Variants in RNPEP observed in about 807,000 individuals in gnomAD.
The protein encoded by RNPEP is arginyl aminopeptidase.
In RNPEP, 57 loss-of-function variants were observed where a neutral mutation model predicts 70.1. That is an observed-to-expected ratio of 0.81 (90% CI 0.66 to 1.01). The LOEUF (loss-of-function observed/expected upper bound fraction) is 1.01. RNPEP is among the 50% of genes least tolerant of loss of function. RNPEP has a pLI of 0.00. For synonymous variants in RNPEP, 335 were observed against 357.4 expected (o/e 0.94, Z 0.71); for missense variants, 787 against 852.4 (o/e 0.92, Z 0.96).
Position 201,982,837 on chromosome 1 carries a change from G to A in RNPEP, c.171G>A (p.Arg57=), listed in dbSNP as rs1199202961. 1 of 1,342,972 alleles carries A rather than the reference G, an allele frequency of 7.4e-7. No individual in the cohort carries two copies. The highest frequency in any genetic ancestry group is 9.5e-7 in the Non-Finnish European group (1 of 1,048,562). The allele number at this position is 1,342,972 out of a possible 1,614,324, so 83.2% of individuals were successfully genotyped here. Residue 57 remains arginine, a synonymous_variant, in exon 1 of 11, where the codon CGG becomes CGA. Coordinates refer to ENST00000295640, the MANE Select transcript of RNPEP (RefSeq NM_020216.4). ...CTCCAGGGCCCGGCGCAGGGAGCCG[G>A]GGGCTGAGCGGCACCGCGGTCCTGG... ...FGPPGPGAGS[R]GLSGTAVLDL...
At position 202,006,044 on chromosome 1, in the gene RNPEP, T is replaced by A. The variant is rs1255146540; in HGVS notation, c.*328T>A. The A allele has an allele frequency of 7.5e-6, 1 of 132,644 alleles. No individual in the cohort carries two copies. The highest frequency in any genetic ancestry group is 3.3e-5 in the African/African-American group (1 of 29,860). 8.2% of individuals were successfully genotyped at this position (132,644 alleles called of 1,614,324 possible). A position where few individuals can be genotyped will look rare whatever the true frequency, so the allele number is the denominator to read the frequency against. On this transcript the variant is annotated 3_prime_UTR_variant, in exon 11 of 11. Transcript: ENST00000295640. ...CTGATGCTCTTCTTTTTTCTCTTTCTGTCCTTTTTCTTGCTGATTTTATGC... is the reference window on the plus strand; with the variant it reads ...CTGATGCTCTTCTTTTTTCTCTTTCAGTCCTTTTTCTTGCTGATTTTATGC...
intron 3 of RNPEP, among the ~76,000 whole-genome samples, chr1:201,995,189 A>T (rs1683502782): frequency 6.6e-6 from 1 of 152,176 alleles, no homozygotes; most frequent in South Asian, 2.1e-4. Context: ...AATATTTAGA[A>T]AATTGAAAGG....
At chr1:201,997,717 T>A (rs1257002770) in intron 5 of RNPEP, among the ~76,000 whole-genome samples, 163 bp downstream of exon 5, 1 of 151,896 alleles carries the variant, frequency 6.6e-6, no homozygotes, top group Admixed American at 6.6e-5. Flanking sequence ...AAACCACACA[T>A]GGTTTGACAA....
intron 1 of RNPEP, among the ~76,000 whole-genome samples, chr1:201,985,657 ATGACACAT>A (rs1368224536): frequency 1.3e-5 from 2 of 152,222 alleles, no homozygotes; most frequent in African/African-American, 4.8e-5. Flanking sequence ...TTGCATTAGT[ATGACACAT>A]TTGTTACAAT....
rs193077873 is a variant in RNPEP, at chr1:201,984,041, G to T, written c.447+928G>T. Among the ~76,000 whole-genome samples, 29 of 152,214 alleles carry T rather than the reference G, an allele frequency of 1.9e-4. 1 individual carries two copies. Among genetic ancestry groups the T allele is most frequent in the Admixed American group, 1.6e-3 (25 of 15,280 alleles). On this transcript the variant is annotated intron_variant, in intron 1 of 10. Transcript: ENST00000295640. The stretch of plus-strand genomic sequence containing the variant: ...TGCGTCGTGGGTTCGAGCGATTCTC[G>T]TACCTCACCCTCCCTAGTAGCTGGG...
At chr1:202,003,786 A>G (rs2102984865) in intron 9 of RNPEP, among the ~76,000 whole-genome samples, 1 of 152,314 alleles carries the variant, frequency 6.6e-6, no homozygotes, top group South Asian at 2.1e-4. Context: ...TTTTGTGTCT[A>G]TTAAGTCATT....
chr1:201,989,253 A>T, intron 2 of RNPEP, 130 bp from the exon 3 acceptor site: 1 of 1,272,190 alleles, frequency 7.9e-7, no homozygotes, highest in South Asian at 1.5e-5. Context: ...GTTTCTTGAA[A>T]CCTTTGTGTT....
At position 202,001,732 on chromosome 1, in the gene RNPEP, C is replaced by T; in HGVS notation, c.1391C>T (p.Pro464Leu). The T allele has an allele frequency of 2.5e-6, 4 of 1,612,194 alleles. No individual in the cohort carries two copies. Among genetic ancestry groups the T allele is most frequent in the Non-Finnish European group, 3.4e-6 (4 of 1,178,310 alleles). Residue 464 changes from proline to leucine, a missense_variant, in exon 8 of 11, where the codon CCT (proline) becomes CTT (leucine). Pro to Leu is a moderately conservative substitution (Grantham distance 98). Transcript: ENST00000295640. ...DFLDFYLEYF[P>L]ELKKKRVDII... ...CTGGACTTCTACTTGGAATATTTCCCTGAGCTTAAGAAAAAGAGAGTGGAT... is the reference window on the plus strand; with the variant it reads ...CTGGACTTCTACTTGGAATATTTCCTTGAGCTTAAGAAAAAGAGAGTGGAT...
rs902355400 is a variant in RNPEP, at chr1:201,982,687, C to A, written c.21C>A (p.Ser7=). ...CGGCCATGGCGAGCGGCGAGCATTC[C>A]CCCGGCAGCGGCGCGGCCCGGCGGC... MASGEH[S]PGSGAARRPL... Residue 7 remains serine (S), a synonymous_variant, in exon 1 of 11, where the codon TCC becomes TCA. Coordinates refer to ENST00000295640, the MANE Select transcript of RNPEP (RefSeq NM_020216.4). 7.2e-7 allele frequency: 1 copy of A among 1,391,364 alleles called. No homozygotes were observed. Among genetic ancestry groups the A allele is most frequent in the South Asian group, 1.6e-5 (1 of 62,990 alleles). 86.2% of individuals were successfully genotyped at this position (1,391,364 alleles called of 1,614,324 possible). A position where few individuals can be genotyped will look rare whatever the true frequency, so the allele number is the denominator to read the frequency against.
At chr1:201,990,612 G>A (rs1293718662) in intron 3 of RNPEP, among the ~76,000 whole-genome samples, 1 of 152,096 alleles carries the variant, frequency 6.6e-6, no homozygotes, top group African/African-American at 2.4e-5. Context: ...TTAGTTACGA[G>A]CCTCAGACTT....
At chr1:201,987,612 A>G (rs1047763851) in intron 1 of RNPEP, among the ~76,000 whole-genome samples, 1 of 151,188 alleles carries the variant, frequency 6.6e-6, no homozygotes, top group African/African-American at 2.4e-5. Context: ...TAATTTTTGT[A>G]TTTTTAGTAG....
chr1:201,988,075 G>A lies in RNPEP; in HGVS notation c.448-829G>A, dbSNP rs948665454. Among the ~76,000 whole-genome samples, 6 of 151,592 alleles carry A rather than the reference G, an allele frequency of 4.0e-5. No homozygotes were observed. The East Asian group carries it at 1.2e-3, about 29-fold the overall frequency. On this transcript the variant is annotated intron_variant, in intron 1 of 10. Transcript: ENST00000295640. ...GACTCGCTTGAACCCAGGAGGCGGA[G>A]ACTGCAGTGAGCTGAGATCACACCA...
rs1683799048 is a variant in RNPEP at position 202,001,361 on chromosome 1, T to C, written c.1205-15T>C. The C allele has an allele frequency of 1.3e-6, 2 of 1,587,268 alleles. No homozygotes were observed. Among genetic ancestry groups the C allele is most frequent in the African/African-American group, 1.3e-5 (1 of 74,330 alleles). ...CTACAAAAGCTCAAATCTTGTCTGC[T>C]TTCTCCTCTGCCAGGCGTTGACCCG... On this transcript the variant is annotated splice_polypyrimidine_tract_variant and intron_variant, in intron 6 of 10. Coordinates refer to ENST00000295640, the MANE Select transcript of RNPEP (RefSeq NM_020216.4).
chr1:202,003,489 CT>C (rs1683920262), intron 9 of RNPEP, 28 bp downstream of exon 9: 1 of 1,489,702 alleles, frequency 6.7e-7, no homozygotes, highest in East Asian at 2.3e-5. Flanking sequence ...ACCAGGGCTC[CT>C]TGTGTGCACA....
Position 202,003,366 on chromosome 1 carries a change from T to G in RNPEP, c.1556T>G (p.Met519Arg). The stretch of plus-strand genomic sequence containing the variant: ...CTGTGGGCAGCCGAGGAGCTGGACA[T>G]GAAGGCCATTGAAGCCGTGGCCATC... The part of the protein sequence containing the change: ...AQLWAAEELD[M>R]KAIEAVAISP... The change falls in exon 9 of 11, where the codon ATG (methionine) becomes AGG (arginine). Residue 519 changes from methionine to arginine, a missense_variant. Physicochemically the swap from Met to Arg is moderately conservative, Grantham distance 91. Coordinates refer to ENST00000295640, the MANE Select transcript of RNPEP (RefSeq NM_020216.4). 6.2e-7 allele frequency: 1 copy of G among 1,614,154 alleles called. No individual in the cohort carries two copies. The highest frequency in any genetic ancestry group is 1.3e-5 in the African/African-American group (1 of 75,044).
chr1:201,982,779 A>C lies in RNPEP; in HGVS notation c.113A>C (p.His38Pro), dbSNP rs530880463. ...ASNFRAFELL[H>P]LHLDLRAEFG... ...AACTTCCGGGCCTTTGAGCTGCTGC[A>C]CTTGCACCTGGACCTGCGGGCTGAG... is the stretch of plus-strand genomic sequence containing the variant. Residue 38 changes from histidine to proline, a missense_variant, in exon 1 of 11, where the codon CAC becomes CCC. By Grantham distance (77) the His-to-Pro change is moderately conservative. Transcript: ENST00000295640. The C allele has an allele frequency of 2.7e-5, 36 of 1,356,302 alleles. No individual in the cohort carries two copies. The highest frequency in any genetic ancestry group is 3.3e-5 in the Non-Finnish European group (35 of 1,053,302). 84.0% of individuals were successfully genotyped at this position (1,356,302 alleles called of 1,614,324 possible).
chr1:202,002,379 C>T (rs1683861533), intron 8 of RNPEP, among the ~76,000 whole-genome samples: 2 of 152,278 alleles, frequency 1.3e-5, no homozygotes, highest in South Asian at 2.1e-4. Context: ...TCAGGCTGGT[C>T]TCGAACTCCT....
chr1:201,997,127 G>A (rs1021643614), intron 4 of RNPEP, among the ~76,000 whole-genome samples, 192 bp from the exon 5 acceptor site: 1 of 152,040 alleles, frequency 6.6e-6, no homozygotes, highest in African/African-American at 2.4e-5. Context: ...GGAAGTCCCA[G>A]CAAGGCAGGG....
chr1:201,993,289 T>C (rs1683410768), intron 3 of RNPEP, among the ~76,000 whole-genome samples: 1 of 152,130 alleles, frequency 6.6e-6, no homozygotes, highest in South Asian at 2.1e-4. Flanking sequence ...CTCTAAGATC[T>C]ATAGCAAAGC....
Sources: gnomAD v4.1 joint callset for allele counts (sites outside exome capture counted in the v4.1 genomes callset) on GRCh38, gnomAD v4.1.1 for gene constraint, MANE v1.5 for transcripts, NCBI Gene and HGNC (gene_info 2026-07-23, HGNC 2026-07-21) for gene names.